Variants in BACE2 observed in about 807,000 individuals in gnomAD.
BACE2 encodes 56 kDa aspartic-like protease.
Under a neutral mutation model 46.2 loss-of-function variants are expected in BACE2, and 17 were observed. The ratio of observed to expected loss-of-function variants is 0.37; its 90% CI spans 0.25 to 0.55. BACE2 has a LOEUF of 0.55. Among genes scored for constraint, BACE2 ranks in the 20% least tolerant of loss-of-function variants. BACE2 has a pLI of 0.82. For missense variants in BACE2, 595 were observed against 698.1 expected (o/e 0.85, Z 1.66); for synonymous variants, 277 against 295.9 (o/e 0.94, Z 0.66).
intron 4 of BACE2, among the ~76,000 whole-genome samples, chr21:41,242,775 G>A (rs1987341510): frequency 6.6e-6 from 1 of 152,096 alleles, no homozygotes; most frequent in Non-Finnish European, 1.5e-5. Context: ...TCTCAATATT[G>A]TAAAGCTAAA....
At chr21:41,240,681 A>AT (rs970965346) in intron 3 of BACE2, among the ~76,000 whole-genome samples, 2 of 152,174 alleles carry the variant, frequency 1.3e-5, no homozygotes, top group African/African-American at 4.8e-5. Flanking sequence ...CCAAGAGGTG[A>AT]TTTTGTCTCA....
chr21:41,189,082 G>A (rs1408188404), intron 1 of BACE2, among the ~76,000 whole-genome samples: 1 of 152,062 alleles, frequency 6.6e-6, no homozygotes, highest in Non-Finnish European at 1.5e-5. Flanking sequence ...TGATGCAATT[G>A]TAATTCCTGA....
At chr21:41,219,122 A>C (rs1237625632) in intron 1 of BACE2, among the ~76,000 whole-genome samples, 1 of 152,202 alleles carries the variant, frequency 6.6e-6, no homozygotes, top group Non-Finnish European at 1.5e-5. Flanking sequence ...CGGCCTCCCA[A>C]AGTGCTGGGA....
chr21:41,223,302 G>C (rs1049260370), intron 1 of BACE2, among the ~76,000 whole-genome samples: 1 of 151,866 alleles, frequency 6.6e-6, no homozygotes, highest in Admixed American at 6.6e-5. Flanking sequence ...GCTACAGCAA[G>C]TGATGATTGT....
Position 41,222,822 on chromosome 21 carries a change from G to A in BACE2, c.313-3444G>A, listed in dbSNP as rs570562993. Among the ~76,000 whole-genome samples, 19 of 152,258 alleles carry A rather than the reference G, an allele frequency of 1.2e-4. No individual in the cohort carries two copies. In the South Asian group the frequency reaches 1.5e-3, roughly 12 times the overall value. On this transcript the variant is annotated intron_variant, in intron 1 of 8. Transcript: ENST00000330333. ...GCCAGAACCTGAAGGTGGAGCCCTC[G>A]GGACCTCCTGGTGGCTGGATGTGGG...
In BACE2 at chr21:41,189,676, A is replaced by G. The variant is rs148127890; in HGVS notation, c.312+21101A>G. 2.7e-3 allele frequency among the ~76,000 whole-genome samples: 408 copies of G among 152,326 alleles called. 5 individuals carry two copies. Among genetic ancestry groups the G allele is most frequent in the African/African-American group, 9.4e-3 (390 of 41,568 alleles). ...TTCATATTTAAAAGAGAAGCATTCA[A>G]ATTTGATTGGAAGTTAAGGACTGTA... On this transcript the variant is annotated intron_variant, in intron 1 of 8. Transcript: ENST00000330333.
chr21:41,237,180 G>T (rs953490418), intron 2 of BACE2, among the ~76,000 whole-genome samples: 4 of 152,196 alleles, frequency 2.6e-5, no homozygotes, highest in African/African-American at 9.7e-5. Context: ...GGGCGCAGTG[G>T]CTCACGCCTG....
chr21:41,267,523 A>C (rs749128758), intron 8 of BACE2, among the ~76,000 whole-genome samples: 4 of 152,232 alleles, frequency 2.6e-5, no homozygotes, highest in Non-Finnish European at 4.4e-5. Flanking sequence ...CTTGAGGCAC[A>C]TGATGGATTA....
At chr21:41,208,143 G>A (rs987072545) in intron 1 of BACE2, among the ~76,000 whole-genome samples, 2 of 152,164 alleles carry the variant, frequency 1.3e-5, no homozygotes, top group African/African-American at 2.4e-5. Context: ...ACCAAGTCAC[G>A]ACCCACATGT....
At position 41,275,731 on chromosome 21, in the gene BACE2, T is replaced by C; in HGVS notation, c.*107T>C. On this transcript the variant is annotated 3_prime_UTR_variant, in exon 9 of 9. Transcript: ENST00000330333. The stretch of plus-strand genomic sequence containing the variant: ...TGGCGCTTTCTCCTGTGCCCACCCG[T>C]CTTCAATCTCTGTTCTGCTCCCAGA... The C allele has an allele frequency of 7.5e-7, 1 of 1,342,020 alleles. No homozygotes were observed. The highest frequency in any genetic ancestry group is 1.0e-6 in the Non-Finnish European group (1 of 986,616). The allele number at this position is 1,342,020 out of a possible 1,614,324, so 83.1% of individuals were successfully genotyped here. A position where few individuals can be genotyped will look rare whatever the true frequency, so the allele number is the denominator to read the frequency against.
chr21:41,205,353 T>G (rs1986092436), intron 1 of BACE2, among the ~76,000 whole-genome samples: 1 of 152,220 alleles, frequency 6.6e-6, no homozygotes, highest in Admixed American at 6.5e-5. Flanking sequence ...TTATAATGTG[T>G]TTTCATAGAT....
chr21:41,262,327 G>A (rs1325345562), intron 8 of BACE2, among the ~76,000 whole-genome samples: 1 of 152,202 alleles, frequency 6.6e-6, no homozygotes, highest in Non-Finnish European at 1.5e-5. Flanking sequence ...AATTTTAATA[G>A]CATCTTTGTC....
At chr21:41,271,113 A>ATTATTT in intron 8 of BACE2, among the ~76,000 whole-genome samples, 6 of 152,030 alleles carry the variant, frequency 3.9e-5, no homozygotes, top group African/African-American at 1.5e-4. Flanking sequence ...TAATATAGCC[A>ATTATTT]CTCTGGATTT....
chr21:41,236,180 A>G (rs1329671037), intron 2 of BACE2, among the ~76,000 whole-genome samples: 3 of 152,314 alleles, frequency 2.0e-5, no homozygotes, highest in South Asian at 4.1e-4. Flanking sequence ...TCAAACTCAA[A>G]TGGGCATAGG....
At chr21:41,242,808 A>G (rs1442467327) in intron 4 of BACE2, among the ~76,000 whole-genome samples, 2 of 152,340 alleles carry the variant, frequency 1.3e-5, no homozygotes, top group East Asian at 1.9e-4. Context: ...TTCTTTGGAT[A>G]AGAGAAACCT....
chr21:41,235,523 G>A (rs1987091551), intron 2 of BACE2, among the ~76,000 whole-genome samples: 1 of 152,168 alleles, frequency 6.6e-6, no homozygotes, highest in Non-Finnish European at 1.5e-5. Flanking sequence ...TGATGCTTAT[G>A]AGATATACCA....
At chr21:41,179,506 G>A (rs878912322) in intron 1 of BACE2, 6 of 1,121,966 alleles carry the variant, frequency 5.3e-6, no homozygotes, top group Non-Finnish European at 7.2e-6. Context: ...GACGGTGTCT[G>A]GGGTGAGTGA....
At chr21:41,217,164 C>T (rs796444010) in intron 1 of BACE2, among the ~76,000 whole-genome samples, 39 of 152,246 alleles carry the variant, frequency 2.6e-4, no homozygotes, top group African/African-American at 8.4e-4. Context: ...ACTCTGACCT[C>T]GTGATCTGCC....
chr21:41,245,977 G>A lies in BACE2; in HGVS notation c.898G>A (p.Ala300Thr), dbSNP rs958197912. The part of the protein sequence containing the change: ...LDCREYNADK[A>T]IVDSGTTLLR... ...CCGGTTCAAGTATAACGCAGACAAG[G>A]CCATCGTGGACAGTGGCACCACGCT... is the stretch of plus-strand genomic sequence containing the variant. The change falls in exon 6 of 9, where the codon GCC becomes ACC. Residue 300 changes from alanine (A) to threonine (T), a missense_variant. This residue lies in a region of BACE2 where 343 missense variants were observed against 419.4 expected (regional missense o/e 0.82). Coordinates refer to ENST00000330333, the MANE Select transcript of BACE2 (RefSeq NM_012105.5). 7 of 1,609,806 alleles carry A rather than the reference G, an allele frequency of 4.3e-6. No homozygotes were observed. Among genetic ancestry groups the A allele is most frequent in the Non-Finnish European group, 5.1e-6 (6 of 1,178,152 alleles).
Sources: gnomAD v4.1 joint callset for allele counts (sites outside exome capture counted in the v4.1 genomes callset) on GRCh38, gnomAD v4.1.1 for gene constraint, gnomAD v4.1.1 regional missense constraint, MANE v1.5 for transcripts, NCBI Gene and HGNC (gene_info 2026-07-23, HGNC 2026-07-21) for gene names.